Variants in NEMP2 observed in about 807,000 individuals in gnomAD.
NEMP2 encodes nuclear envelope integral membrane protein 2.
NEMP2 carries 53 observed loss-of-function variants against 54.2 expected under a neutral mutation model. The ratio of observed to expected loss-of-function variants is 0.98; its 90% CI spans 0.78 to 1.23. The LOEUF (loss-of-function observed/expected upper bound fraction) is 1.23. NEMP2 is among the 50% of genes most tolerant of loss of function. NEMP2 has a pLI of 0.00. For missense variants in NEMP2, 455 were observed against 511.3 expected (o/e 0.89, Z 1.06); for synonymous variants, 197 against 190.3 (o/e 1.04, Z -0.29).
At chr2:190,463,941 T>G in the NEMP2 span, 1 of 957,694 alleles carries the variant, frequency 1.0e-6, no homozygotes, top group Non-Finnish European at 1.2e-6. This position sits in a 1 kb window ranked among gnomAD's most constrained non-coding sequence, Gnocchi z 4.4. Flanking sequence ...TGAGGCAGAC[T>G]GTAGACTGTG....
chr2:190,627,269 T>C, the NEMP2 span, among the ~76,000 whole-genome samples: 4 of 152,386 alleles, frequency 2.6e-5, no homozygotes, highest in East Asian at 7.7e-4. The surrounding 1 kb of genome is among the most constrained non-coding windows in gnomAD (Gnocchi z 4.4). Flanking sequence ...TATAAGACTT[T>C]TCTTTGACTA....
At chr2:190,449,631 A>C in the NEMP2 span, among the ~76,000 whole-genome samples, 1 of 151,780 alleles carries the variant, frequency 6.6e-6, no homozygotes, top group African/African-American at 2.4e-5. Context: ...TCCAACAATG[A>C]TAGACTGGAT....
chr2:190,545,566 C>A, the NEMP2 span, among the ~76,000 whole-genome samples: 1 of 152,310 alleles, frequency 6.6e-6, no homozygotes, highest in South Asian at 2.1e-4. Flanking sequence ...GTTAAGACAT[C>A]GGGATTGTCT....
chr2:190,450,519 G>T, the NEMP2 span, among the ~76,000 whole-genome samples: 29,398 of 133,940 alleles, frequency 0.22, 4,128 homozygotes, highest in Non-Finnish European at 0.31. Context: ...TGAGACAGGG[G>T]TCTCACTCTG....
chr2:190,647,311 G>T, the NEMP2 span, among the ~76,000 whole-genome samples: 2 of 151,332 alleles, frequency 1.3e-5, no homozygotes, highest in Non-Finnish European at 2.9e-5. Flanking sequence ...ACATGATTTC[G>T]CAAAAAGAAA....
In NEMP2 at chr2:190,527,554, A is replaced by G. The variant is rs1419074556; in HGVS notation, c.98-2176T>C. 1.3e-5 allele frequency among the ~76,000 whole-genome samples: 2 copies of G among 152,216 alleles called. No individual in the cohort carries two copies. The highest frequency in any genetic ancestry group is 4.8e-5 in the African/African-American group (2 of 41,462). On this transcript the variant is annotated intron_variant, in intron 1 of 8. Transcript: ENST00000409150. The surrounding 1 kb of genome is among the most constrained non-coding windows in gnomAD (Gnocchi z 4.0). ...ATAAAATGCATATGTTTCTAAATAT[A>G]TCAAGAAATTTGCAGAGTTTGAGAG...
the NEMP2 span, among the ~76,000 whole-genome samples, chr2:190,489,473 T>G: frequency 6.6e-6 from 1 of 152,194 alleles, no homozygotes; most frequent in Admixed American, 6.5e-5. This position sits in a 1 kb window ranked among gnomAD's most constrained non-coding sequence, Gnocchi z 6.6. Context: ...TCTTTTCATA[T>G]GAAGAGGAGA....
chr2:190,640,160 T>A, the NEMP2 span, among the ~76,000 whole-genome samples: 1 of 152,218 alleles, frequency 6.6e-6, no homozygotes, highest in Non-Finnish European at 1.5e-5. Context: ...ATATATTCCA[T>A]CATATAGATA....
At chr2:190,442,908 A>G in the NEMP2 span, 1 of 152,222 alleles carries the variant, frequency 6.6e-6, no homozygotes, top group Non-Finnish European at 1.5e-5. Flanking sequence ...TCGTCTAAGA[A>G]GAGAAATGGG....
chr2:190,621,421 C>A, the NEMP2 span, among the ~76,000 whole-genome samples: 1 of 152,126 alleles, frequency 6.6e-6, no homozygotes, highest in South Asian at 2.1e-4. Flanking sequence ...TATGGGATCA[C>A]CATTATATAT....
chr2:190,537,835 G>T (rs1559174606), upstream of NEMP2, among the ~76,000 whole-genome samples: 1 of 152,172 alleles, frequency 6.6e-6, no homozygotes, highest in Admixed American at 6.5e-5. Flanking sequence ...TGTCTCCAGG[G>T]CATGTCGGAG....
At chr2:190,437,830 T>G in the NEMP2 span, among the ~76,000 whole-genome samples, 8 of 152,184 alleles carry the variant, frequency 5.3e-5, no homozygotes, top group African/African-American at 1.7e-4. The surrounding 1 kb of genome is among the most constrained non-coding windows in gnomAD (Gnocchi z 5.9). Flanking sequence ...CCTAGCTGTG[T>G]GCTAAGAGAC....
rs1209061349 is a variant in NEMP2, at chr2:190,505,319, T to C, written c.*3870A>G. 3 of 152,240 alleles carry C rather than the reference T, an allele frequency of 2.0e-5. No homozygotes were observed. Among genetic ancestry groups the C allele is most frequent in the African/African-American group, 7.2e-5 (3 of 41,464 alleles). The allele number at this position is 152,240 out of a possible 1,614,324, so 9.4% of individuals were successfully genotyped here. On this transcript the variant is annotated 3_prime_UTR_variant, in exon 9 of 9. Coordinates refer to ENST00000409150, the MANE Select transcript of NEMP2 (RefSeq NM_001142645.2). The surrounding 1 kb of genome is among the most constrained non-coding windows in gnomAD (Gnocchi z 5.8). Reference sequence around the variant, plus strand: ...TTCAGCAACTTTCTCCTACCTTCTCTGGGTCTTTCCTCATCTGTAAAATGA... The same window carrying C: ...TTCAGCAACTTTCTCCTACCTTCTCCGGGTCTTTCCTCATCTGTAAAATGA...
At chr2:190,439,373 TA>T in the NEMP2 span, among the ~76,000 whole-genome samples, 1 of 152,168 alleles carries the variant, frequency 6.6e-6, no homozygotes, top group South Asian at 2.1e-4. The surrounding 1 kb of genome is among the most constrained non-coding windows in gnomAD (Gnocchi z 5.8). Flanking sequence ...TTTATTTGTT[TA>T]TTTTTTTATT....
chr2:190,559,910 G>A, the NEMP2 span, among the ~76,000 whole-genome samples: 4 of 152,180 alleles, frequency 2.6e-5, no homozygotes, highest in African/African-American at 9.7e-5. This position sits in a 1 kb window ranked among gnomAD's most constrained non-coding sequence, Gnocchi z 4.0. Context: ...GGATTCAGAT[G>A]CAGATAGGCA....
At chr2:190,498,341 G>A in the NEMP2 span, among the ~76,000 whole-genome samples, 1 of 152,148 alleles carries the variant, frequency 6.6e-6, no homozygotes, top group African/African-American at 2.4e-5. The surrounding 1 kb of genome is among the most constrained non-coding windows in gnomAD (Gnocchi z 5.9). Flanking sequence ...AAAGAAATAG[G>A]CTCAGTTCCC....
At chr2:190,608,208 TG>T in the NEMP2 span, 1 of 152,176 alleles carries the variant, frequency 6.6e-6, no homozygotes, top group Non-Finnish European at 1.5e-5. This position sits in a 1 kb window ranked among gnomAD's most constrained non-coding sequence, Gnocchi z 4.9. Context: ...TCGCAGTGCT[TG>T]TGTTCGAGTA....
the NEMP2 span, among the ~76,000 whole-genome samples, chr2:190,449,293 G>T: frequency 1.3e-5 from 2 of 151,968 alleles, no homozygotes; most frequent in African/African-American, 4.8e-5. Flanking sequence ...GGTCAACATG[G>T]TGAAACCCCA....
chr2:190,622,826 G>A, the NEMP2 span, among the ~76,000 whole-genome samples: 1 of 151,644 alleles, frequency 6.6e-6, no homozygotes, highest in Non-Finnish European at 1.5e-5. Context: ...ACATAATACT[G>A]GAAGTCCTAA....
Sources: gnomAD v4.1 joint callset for allele counts (sites outside exome capture counted in the v4.1 genomes callset) on GRCh38, gnomAD v4.1.1 for gene constraint, Gnocchi (gnomAD v3.1) non-coding constraint, MANE v1.5 for transcripts, NCBI Gene and HGNC (gene_info 2026-07-23, HGNC 2026-07-21) for gene names.